SDCCAG8: variants seen among roughly 807,000 people sequenced by gnomAD.
SDCCAG8 encodes SHH signaling and ciliogenesis regulator SDCCAG8.
Under a neutral mutation model 101.8 loss-of-function variants are expected in SDCCAG8, and 74 were observed. The observed-to-expected ratio is 0.73, with a 90% CI of 0.60 to 0.88. SDCCAG8 has a LOEUF of 0.88. Ranked by LOEUF, SDCCAG8 falls within the 40% of genes least tolerant of loss-of-function variation. SDCCAG8 has a pLI of 0.00. For missense variants in SDCCAG8, 787 were observed against 822.6 expected, an observed-to-expected ratio of 0.96 and a Z score of 0.53; for synonymous variants, 281 against 292.9, an observed-to-expected ratio of 0.96 and a Z score of 0.41.
rs150070966 is a variant in SDCCAG8, at chr1:243,293,116, C to T, written c.572C>T (p.Thr191Ile). The change falls in exon 6 of 18, where the codon ACA becomes ATA. Residue 191 changes from threonine (T) to isoleucine (I), a missense_variant. Coordinates refer to ENST00000366541, the MANE Select transcript of SDCCAG8 (RefSeq NM_006642.5). ...GGAAACATGCACAATTCTTGGATTA[C>T]AACAGGTGAAGATTCTGGGGTGGGC... ...ASGNMHNSWITTGEDSGVGET... is the reference protein window; with the variant it reads ...ASGNMHNSWIITGEDSGVGET... The T allele has an allele frequency of 2.4e-4, 390 of 1,614,106 alleles. No homozygotes were observed. The African/African-American group carries it at 2.8e-3, about 12-fold the overall frequency.
intron 13 of SDCCAG8, among the ~76,000 whole-genome samples, chr1:243,386,508 C>A (rs1235687958): frequency 6.6e-6 from 1 of 152,082 alleles, no homozygotes; most frequent in East Asian, 1.9e-4. Flanking sequence ...AATCCCAGCA[C>A]TTTGGGAGGC....
intron 16 of SDCCAG8, among the ~76,000 whole-genome samples, chr1:243,471,524 C>G (rs924889625): frequency 6.6e-6 from 1 of 152,090 alleles, no homozygotes; most frequent in Non-Finnish European, 1.5e-5. Flanking sequence ...CTCCCTCGGC[C>G]CTCCACGGGG....
chr1:243,370,163 C>T (rs535275484), intron 12 of SDCCAG8, among the ~76,000 whole-genome samples: 1 of 151,950 alleles, frequency 6.6e-6, no homozygotes, highest in African/African-American at 2.4e-5. Flanking sequence ...TATGTCTGCT[C>T]CTAGCATCAG....
intron 16 of SDCCAG8, among the ~76,000 whole-genome samples, chr1:243,470,324 C>T (rs1328956388): frequency 4.6e-5 from 7 of 152,176 alleles, no homozygotes; most frequent in African/African-American, 9.7e-5. Flanking sequence ...CACCAGGTTT[C>T]GTTTCTAGTT....
chr1:243,450,804 G>A (rs1168318202), intron 16 of SDCCAG8, among the ~76,000 whole-genome samples: 1 of 152,036 alleles, frequency 6.6e-6, no homozygotes, highest in Admixed American at 6.6e-5. Flanking sequence ...GATTATAGGT[G>A]TGCGCCACCA....
At chr1:243,426,375 C>A (rs983645201) in intron 15 of SDCCAG8, 52 bp from the exon 16 acceptor site, 29 of 1,465,606 alleles carry the variant, frequency 2.0e-5, no homozygotes, top group Admixed American at 8.8e-5. Context: ...TAACAATATG[C>A]CCTAGTAATA....
At chr1:243,482,313 C>T (rs538934391) in intron 16 of SDCCAG8, among the ~76,000 whole-genome samples, 49 of 152,192 alleles carry the variant, frequency 3.2e-4, no homozygotes, top group African/African-American at 1.1e-3. Flanking sequence ...CTCAGAGGAT[C>T]GCTGTTGGAC....
intron 16 of SDCCAG8, among the ~76,000 whole-genome samples, chr1:243,472,237 A>G (rs1661408125): frequency 6.6e-6 from 1 of 152,212 alleles, no homozygotes; most frequent in Non-Finnish European, 1.5e-5. Flanking sequence ...TGTGTCATAC[A>G]TTGTGCTTAA....
chr1:243,327,355 T>TATAATTATAATTTTATAGAAATTAAA (rs2074242357), intron 9 of SDCCAG8, among the ~76,000 whole-genome samples: 1 of 146,312 alleles, frequency 6.8e-6, no homozygotes, highest in Admixed American at 6.8e-5. Context: ...AAATTAAAAT[T>TATAATTATAATTTTATAGAAATTAAA]ATAATTATAA....
chr1:243,343,013 A>T (rs2075472097), intron 11 of SDCCAG8, among the ~76,000 whole-genome samples: 1 of 152,154 alleles, frequency 6.6e-6, no homozygotes, highest in Admixed American at 6.5e-5. Flanking sequence ...TGCAGTAGCT[A>T]TTCACAGACA....
At chr1:243,470,369 G>T (rs142863663) in intron 16 of SDCCAG8, among the ~76,000 whole-genome samples, 4 of 152,136 alleles carry the variant, frequency 2.6e-5, no homozygotes, top group African/African-American at 9.6e-5. Context: ...TGTGTCTTTT[G>T]ATCCCTGGCC....
rs552775879 is a variant in SDCCAG8 at position 243,481,389 on chromosome 1, G to A, written c.1986-7625G>A. The stretch of plus-strand genomic sequence containing the variant: ...CTTGTGTGCGCTTGGGCAAATGATC[G>A]CTTCTCTGCACCTTGCTTCTCTCAT... On this transcript the variant is annotated intron_variant, in intron 16 of 17. Coordinates refer to ENST00000366541, the MANE Select transcript of SDCCAG8 (RefSeq NM_006642.5). Among the ~76,000 whole-genome samples, 297 of 152,258 alleles carry A rather than the reference G, an allele frequency of 2.0e-3. 1 individual carries two copies. The highest frequency in any genetic ancestry group is 6.7e-3 in the African/African-American group (279 of 41,536).
chr1:243,468,571 C>T (rs890682458), intron 16 of SDCCAG8, among the ~76,000 whole-genome samples: 30 of 152,112 alleles, frequency 2.0e-4, no homozygotes, highest in Admixed American at 1.7e-3. Flanking sequence ...CCTGTAAACT[C>T]GGTGCTTTGG....
chr1:243,280,897 G>C (rs1263172936), intron 4 of SDCCAG8, among the ~76,000 whole-genome samples: 6 of 152,192 alleles, frequency 3.9e-5, no homozygotes, highest in Admixed American at 2.0e-4. Context: ...GGATGAAGTA[G>C]TCTATAAATG....
intron 17 of SDCCAG8, among the ~76,000 whole-genome samples, chr1:243,499,443 C>A (rs1247234968): frequency 2.0e-5 from 3 of 152,224 alleles, no homozygotes; most frequent in Non-Finnish European, 4.4e-5. Context: ...GTGTCCTTTC[C>A]CGGACAGAAG....
At chr1:243,310,117 C>T (rs1461309202) in intron 8 of SDCCAG8, among the ~76,000 whole-genome samples, 1 of 152,116 alleles carries the variant, frequency 6.6e-6, no homozygotes, top group Non-Finnish European at 1.5e-5. Context: ...CCGCCTTGGC[C>T]TCCCAAAGTG....
At position 243,499,813 on chromosome 1, in the gene SDCCAG8, AT is replaced by A; in HGVS notation, c.*31del. ...TGGATGGAACAGAGTGAAATAAATG[AT>A]TTACAAAGAGATATTTACATTCATC... On this transcript the variant is annotated 3_prime_UTR_variant, in exon 18 of 18. Transcript: ENST00000366541. 6.2e-7 allele frequency: 1 copy of A among 1,605,792 alleles called. No homozygotes were observed. Among genetic ancestry groups the A allele is most frequent in the Non-Finnish European group, 8.5e-7 (1 of 1,173,198 alleles).
At chr1:243,485,014 A>G (rs1361741538) in intron 16 of SDCCAG8, among the ~76,000 whole-genome samples, 4 of 151,550 alleles carry the variant, frequency 2.6e-5, no homozygotes, top group African/African-American at 4.9e-5. Context: ...ACTGCACTCC[A>G]GCCTGGGCAA....
chr1:243,452,375 C>A (rs927820777), intron 16 of SDCCAG8, among the ~76,000 whole-genome samples: 1 of 149,898 alleles, frequency 6.7e-6, no homozygotes, highest in Admixed American at 6.6e-5. Context: ...CTCTGTCATA[C>A]CTTTTTGACT....
Sources: gnomAD v4.1 joint callset for allele counts (sites outside exome capture counted in the v4.1 genomes callset) on GRCh38, gnomAD v4.1.1 for gene constraint, MANE v1.5 for transcripts, NCBI Gene and HGNC (gene_info 2026-07-23, HGNC 2026-07-21) for gene names.